WDFY3: variants seen among roughly 807,000 people sequenced by gnomAD.
The protein encoded by WDFY3 is WD repeat and FYVE domain-containing protein 3.
In WDFY3, 66 loss-of-function variants were observed where a neutral mutation model predicts 409.6. That is an observed-to-expected ratio of 0.16 (90% CI 0.13 to 0.20). WDFY3 has a LOEUF of 0.20. WDFY3 is among the 10% of genes least tolerant of loss of function. The pLI is 1.00. For synonymous variants in WDFY3, 1,521 were observed against 1,537.1 expected (o/e 0.99, Z 0.25); for missense variants, 3,031 against 4,298.1 (o/e 0.71, Z 8.24).
At chr4:84,827,080 T>A (rs1004238058) in intron 9 of WDFY3, 99 bp from the exon 10 acceptor site, 1 of 1,275,192 alleles carries the variant, frequency 7.8e-7, no homozygotes, top group Non-Finnish European at 1.1e-6. Context: ...TAAATAAATG[T>A]ATAAAGTACT....
intron 64 of WDFY3, 58 bp downstream of exon 64, chr4:84,682,316 C>T: frequency 1.3e-6 from 2 of 1,518,896 alleles, no homozygotes; most frequent in Non-Finnish European, 1.8e-6. Flanking sequence ...AGCTTATCCA[C>T]AGTGACTTAA....
chr4:84,841,295 G>A, intron 5 of WDFY3, 32 bp from the exon 6 acceptor site: 1 of 1,579,946 alleles, frequency 6.3e-7, no homozygotes, highest in Non-Finnish European at 8.6e-7. Flanking sequence ...CATTAAGTGG[G>A]GGAAAAGTCA....
chr4:84,847,691 T>C (rs934674130), intron 5 of WDFY3, among the ~76,000 whole-genome samples: 7 of 144,656 alleles, frequency 4.8e-5, no homozygotes, highest in African/African-American at 1.0e-4. Context: ...GGAGAATCGA[T>C]TGAACCCAGG....
intron 2 of WDFY3, among the ~76,000 whole-genome samples, chr4:84,915,132 T>C (rs1768308480): frequency 6.6e-6 from 1 of 152,056 alleles, no homozygotes; most frequent in African/African-American, 2.4e-5. Context: ...GGCAAATTCA[T>C]AGAGACAGAA....
intron 13 of WDFY3, among the ~76,000 whole-genome samples, chr4:84,812,791 A>G (rs1752716064): frequency 6.6e-6 from 1 of 152,142 alleles, no homozygotes; most frequent in African/African-American, 2.4e-5. Context: ...TACTTCCTCA[A>G]AACTGGTATC....
chr4:84,884,726 C>T (rs1225253586), intron 3 of WDFY3, among the ~76,000 whole-genome samples: 2 of 152,058 alleles, frequency 1.3e-5, no homozygotes, highest in Non-Finnish European at 2.9e-5. Context: ...AAATCAGTGG[C>T]AGAATGGTAT....
intron 56 of WDFY3, among the ~76,000 whole-genome samples, chr4:84,698,728 C>A (rs537981250): frequency 2.0e-5 from 3 of 152,114 alleles, no homozygotes; most frequent in Non-Finnish European, 2.9e-5. Context: ...GAGTCTTGCT[C>A]TGTTGCCCAG....
At chr4:84,720,964 G>T (rs1026663865) in intron 47 of WDFY3, among the ~76,000 whole-genome samples, 3 of 152,174 alleles carry the variant, frequency 2.0e-5, no homozygotes, top group African/African-American at 7.2e-5. Context: ...GAAATAGGAA[G>T]GTGATGTCTT....
At chr4:84,832,643 T>A (rs999673241) in intron 7 of WDFY3, among the ~76,000 whole-genome samples, 2 of 152,202 alleles carry the variant, frequency 1.3e-5, no homozygotes, top group Admixed American at 1.3e-4. Flanking sequence ...AAATTAATAA[T>A]GAAAGTTTAA....
intron 35 of WDFY3, among the ~76,000 whole-genome samples, chr4:84,752,151 T>TAA (rs77809291): frequency 6.7e-6 from 1 of 148,788 alleles, no homozygotes; most frequent in African/African-American, 2.5e-5. Flanking sequence ...CAAATAAATT[T>TAA]AAAAAAAAAA....
chr4:84,821,046 CT>C (rs779051251), intron 11 of WDFY3, 37 bp downstream of exon 11: 1 of 1,518,386 alleles, frequency 6.6e-7, no homozygotes, highest in Admixed American at 2.2e-5. Flanking sequence ...TTTTGAACCC[CT>C]TTTCAAATAA....
intron 2 of WDFY3, among the ~76,000 whole-genome samples, chr4:84,907,745 C>G (rs1051700141): frequency 7.1e-5 from 9 of 127,074 alleles, no homozygotes; most frequent in African/African-American, 2.8e-4. Flanking sequence ...TACTATGGCC[C>G]AGTCACTGTA....
intron 29 of WDFY3, among the ~76,000 whole-genome samples, chr4:84,773,172 T>A (rs997018501): frequency 7.3e-5 from 11 of 151,590 alleles, no homozygotes; most frequent in South Asian, 2.1e-4. Context: ...AAGATAAGAG[T>A]AGTGTGGGGG....
intron 4 of WDFY3, among the ~76,000 whole-genome samples, chr4:84,856,357 G>T (rs1479578357): frequency 1.3e-5 from 2 of 152,136 alleles, no homozygotes. Flanking sequence ...AAATACTACA[G>T]TAATTAACAG....
At chr4:84,673,132 CTAAA>C in intron 67 of WDFY3, 141 bp from the exon 68 acceptor site, 2 of 1,058,944 alleles carry the variant, frequency 1.9e-6, no homozygotes, top group Non-Finnish European at 2.7e-6. Context: ...TGAACAAGGA[CTAAA>C]AGGAAAGCTG....
intron 4 of WDFY3, among the ~76,000 whole-genome samples, chr4:84,852,270 C>T (rs750832338): frequency 1.3e-5 from 2 of 152,130 alleles, no homozygotes; most frequent in African/African-American, 4.8e-5. Flanking sequence ...ATTCACATCC[C>T]GGGAGGGATG....
chr4:84,726,794 A>AG, intron 45 of WDFY3, 67 bp downstream of exon 45: 2 of 1,499,046 alleles, frequency 1.3e-6, no homozygotes, highest in Non-Finnish European at 1.8e-6. Context: ...CACTTAAAAA[A>AG]AAAACCAGAA....
At chr4:84,959,540 T>C (rs1579297285) in intron 1 of WDFY3, among the ~76,000 whole-genome samples, 1 of 152,216 alleles carries the variant, frequency 6.6e-6, no homozygotes, top group East Asian at 1.9e-4. Flanking sequence ...CTGGACCTGA[T>C]GCTTAATTAA....
At position 84,741,746 on chromosome 4, in the gene WDFY3, G is replaced by T. The variant is rs754630197; in HGVS notation, c.6234+15C>A. 2 of 1,593,568 alleles carry T rather than the reference G, an allele frequency of 1.3e-6. No homozygotes were observed. The highest frequency in any genetic ancestry group is 1.7e-6 in the Non-Finnish European group (2 of 1,165,766). Reference sequence around the variant, plus strand: ...GAAAACATGTACTCTACAACTGATAGTGACAATGGATTACCTGTGCAATTA... The same window carrying T: ...GAAAACATGTACTCTACAACTGATATTGACAATGGATTACCTGTGCAATTA... On this transcript the variant is annotated intron_variant, in intron 38 of 67. Coordinates refer to ENST00000295888, the MANE Select transcript of WDFY3 (RefSeq NM_014991.6).
Sources: allele counts gnomAD v4.1 joint callset (sites outside exome capture counted in the v4.1 genomes callset), GRCh38; gene constraint gnomAD v4.1.1; transcripts MANE v1.5; gene names NCBI Gene and HGNC (gene_info 2026-07-23, HGNC 2026-07-21).